Variants in SLC10A6 observed in about 807,000 individuals in gnomAD.
The protein encoded by SLC10A6 is solute carrier family 10 member 6.
SLC10A6 carries 27 observed loss-of-function variants against 30.0 expected under a neutral mutation model. The ratio of observed to expected loss-of-function variants is 0.90; its 90% CI spans 0.66 to 1.24. SLC10A6 has a LOEUF of 1.24. Among genes scored for constraint, SLC10A6 ranks in the 50% most tolerant of loss-of-function variants. SLC10A6 has a pLI of 0.00. For synonymous variants in SLC10A6, 166 were observed against 173.8 expected (o/e 0.95, Z 0.36); for missense variants, 439 against 457.0 (o/e 0.96, Z 0.36).
chr4:86,834,446 T>C (rs1461509902), intron 1 of SLC10A6, among the ~76,000 whole-genome samples: 3 of 152,274 alleles, frequency 2.0e-5, no homozygotes, highest in Admixed American at 1.3e-4. Flanking sequence ...TTTTAACATA[T>C]ATCACAGCTT....
At chr4:86,845,639 T>C (rs1365483383) in intron 1 of SLC10A6, among the ~76,000 whole-genome samples, 1 of 152,104 alleles carries the variant, frequency 6.6e-6, no homozygotes, top group Non-Finnish European at 1.5e-5. Flanking sequence ...GCACTTTCAT[T>C]GTTGTGAAAA....
intron 3 of SLC10A6, among the ~76,000 whole-genome samples, chr4:86,830,882 C>A (rs1161226779): frequency 6.6e-6 from 1 of 152,200 alleles, no homozygotes; most frequent in African/African-American, 2.4e-5. Context: ...AACCTTCTAT[C>A]TGCTAAAGTG....
intron 3 of SLC10A6, 100 bp downstream of exon 3, chr4:86,831,692 G>A (rs1746083540): frequency 1.1e-6 from 1 of 918,122 alleles, no homozygotes; most frequent in Non-Finnish European, 1.7e-6. Context: ...TGGGTGTGGG[G>A]CCGTACTCAA....
intron 1 of SLC10A6, among the ~76,000 whole-genome samples, chr4:86,837,215 GAGAGAGAGAGAGAA>G (rs1428747514): frequency 8.7e-6 from 1 of 115,046 alleles, no homozygotes; most frequent in African/African-American, 4.5e-5. Context: ...GAGAGAGAGA[GAGAGAGAGAGAGAA>G]AGAAAGAAAG....
rs558733316 is a variant in SLC10A6 at position 86,836,819 on chromosome 4, G to A, written c.378-3395C>T. On this transcript the variant is annotated intron_variant, in intron 1 of 5. Coordinates refer to ENST00000273905, the MANE Select transcript of SLC10A6 (RefSeq NM_197965.3). ...GTCGCCCAGGCTGGAGTGCAGTGGC[G>A]CAATCTCGGCTCACTGCAACCTCCA... Among the ~76,000 whole-genome samples the A allele has an allele frequency of 9.9e-5, 15 of 152,076 alleles. No homozygotes were observed. In the South Asian group the frequency reaches 2.7e-3, roughly 27 times the overall value.
chr4:86,838,855 G>A (rs1305302207), intron 1 of SLC10A6, among the ~76,000 whole-genome samples: 2 of 148,974 alleles, frequency 1.3e-5, no homozygotes, highest in Non-Finnish European at 1.5e-5. Flanking sequence ...CCTGGGAGAT[G>A]GAGGTTGCAG....
chr4:86,842,703 A>C (rs1427909090), intron 1 of SLC10A6, among the ~76,000 whole-genome samples: 3 of 130,602 alleles, frequency 2.3e-5, no homozygotes, highest in East Asian at 3.9e-4. Context: ...GTCTCAAAAA[A>C]AAAAAAAAGA....
intron 1 of SLC10A6, among the ~76,000 whole-genome samples, chr4:86,838,634 C>G (rs1030327363): frequency 3.3e-5 from 5 of 152,112 alleles, no homozygotes; most frequent in African/African-American, 1.2e-4. Flanking sequence ...TAAAATTATG[C>G]TCTCCCAGCA....
chr4:86,830,956 C>T (rs1025291621), intron 3 of SLC10A6, among the ~76,000 whole-genome samples: 9 of 152,062 alleles, frequency 5.9e-5, no homozygotes, highest in Non-Finnish European at 1.2e-4. Context: ...AAGAATGCCT[C>T]CTCTTTACGT....
In SLC10A6 at chr4:86,824,158, T is replaced by TATTC. The variant is rs70953605; in HGVS notation, c.920-260_920-257dup. Among the ~76,000 whole-genome samples, 1,439 of 152,050 alleles carry TATTC rather than the reference T, an allele frequency of 9.5e-3. 10 individuals carry two copies. The highest frequency in any genetic ancestry group is 0.013 in the Admixed American group (193 of 15,276). ...GTTGCTGACAGCTTACACACTCATA[T>TATTC]ATTCATTCATTCATTCATTCATTCA... is the stretch of plus-strand genomic sequence containing the variant. On this transcript the variant is annotated intron_variant, in intron 5 of 5. Coordinates refer to ENST00000273905, the MANE Select transcript of SLC10A6 (RefSeq NM_197965.3).
Position 86,849,280 on chromosome 4 carries a change from A to T in SLC10A6, c.-165T>A, listed in dbSNP as rs777829655. 4.0e-6 allele frequency: 3 copies of T among 754,160 alleles called. No individual in the cohort carries two copies. Among genetic ancestry groups the T allele is most frequent in the Non-Finnish European group, 6.3e-6 (3 of 473,136 alleles). The allele number at this position is 754,160 out of a possible 1,614,324, so 46.7% of individuals were successfully genotyped here. A position where few individuals can be genotyped will look rare whatever the true frequency, so the allele number is the denominator to read the frequency against. On this transcript the variant is annotated 5_prime_UTR_variant, in exon 1 of 6. It introduces an in-frame stop codon into an upstream open reading frame of the 5' UTR. Coordinates refer to ENST00000273905, the MANE Select transcript of SLC10A6 (RefSeq NM_197965.3). ...TCATCCTAATCTGATCAATTTTTTC[A>T]CAAGTGGCATTATAAAAGTAATTAT... is the stretch of plus-strand genomic sequence containing the variant.
chr4:86,827,455 G>C (rs1746015921), intron 4 of SLC10A6, among the ~76,000 whole-genome samples: 1 of 152,146 alleles, frequency 6.6e-6, no homozygotes. Context: ...TGTTCCCCAA[G>C]TGGATTAGAA....
intron 1 of SLC10A6, 76 bp from the exon 2 acceptor site, chr4:86,833,500 C>T (rs1746124489): frequency 1.9e-6 from 2 of 1,057,542 alleles, no homozygotes; most frequent in Non-Finnish European, 2.9e-6. Context: ...AAAGCAACTC[C>T]TAGGACACAA....
intron 3 of SLC10A6, among the ~76,000 whole-genome samples, chr4:86,829,922 TG>T (rs1228510099): frequency 1.3e-5 from 2 of 152,236 alleles, no homozygotes; most frequent in Non-Finnish European, 2.9e-5. Flanking sequence ...ATAGAGGAGC[TG>T]GAAAACTCCA....
At chr4:86,839,178 G>A (rs914037845) in intron 1 of SLC10A6, among the ~76,000 whole-genome samples, 2 of 149,628 alleles carry the variant, frequency 1.3e-5, no homozygotes, top group East Asian at 3.9e-4. Context: ...CCTCATGCCT[G>A]TAATTCCAGC....
intron 1 of SLC10A6, among the ~76,000 whole-genome samples, chr4:86,837,253 AAG>A (rs1746205185): frequency 8.5e-6 from 1 of 117,988 alleles, no homozygotes; most frequent in Admixed American, 8.9e-5. Context: ...GAAAGAAAGA[AAG>A]AAAGAAAGAA....
chr4:86,831,852 A>G lies in SLC10A6; in HGVS notation c.525T>C (p.Pro175=), dbSNP rs760597788. Residue 175 remains proline (P), a synonymous_variant, in exon 3 of 6, where the codon CCT becomes CCC. Coordinates refer to ENST00000273905, the MANE Select transcript of SLC10A6 (RefSeq NM_197965.3). ...IGITLVCLTI[P]VAFGVYVNYR... is the part of the protein sequence containing the mutation. ...AATTCACATAGACACCAAAGGCCAC[A>G]GGAATGGTCAGGCACACAAGGGTAA... 8.7e-6 allele frequency: 14 copies of G among 1,613,228 alleles called. No homozygotes were observed. The African/African-American group carries it at 1.5e-4, about 17-fold the overall frequency.
Position 86,848,949 on chromosome 4 carries a change from C to T in SLC10A6, c.167G>A (p.Arg56Gln), listed in dbSNP as rs547558889. The change falls in exon 1 of 6, where the codon CGG (arginine) becomes CAG (glutamine). Residue 56 changes from arginine (R) to glutamine (Q), a missense_variant. Transcript: ENST00000273905. ...TCTCCTGATGTGCGACCACAGCTTC[C>T]GGATCTCCACGGAACATCCCAAAGA... ...MFSLGCSVEIRKLWSHIRRPW... is the reference protein window; with the variant it reads ...MFSLGCSVEIQKLWSHIRRPW... 58 of 1,613,910 alleles carry T rather than the reference C, an allele frequency of 3.6e-5. No homozygotes were observed. Among genetic ancestry groups the T allele is most frequent in the Admixed American group, 2.3e-4 (14 of 59,990 alleles).
chr4:86,837,464 A>G (rs1477343496), intron 1 of SLC10A6: 1 of 247,852 alleles, frequency 4.0e-6, no homozygotes. Flanking sequence ...GTCAGTGGAG[A>G]GCTGGGAGGT....
Sources: gnomAD v4.1 joint callset for allele counts (sites outside exome capture counted in the v4.1 genomes callset) on GRCh38, gnomAD v4.1.1 for gene constraint, MANE v1.5 for transcripts, NCBI Gene and HGNC (gene_info 2026-07-23, HGNC 2026-07-21) for gene names.